SCAPER: variants seen among roughly 807,000 people sequenced by gnomAD.
The protein encoded by SCAPER is S phase cyclin A-associated protein in the endoplasmic reticulum.
In SCAPER, 98 loss-of-function variants were observed where a neutral mutation model predicts 182.2. The observed-to-expected ratio is 0.54, with a 90% CI of 0.46 to 0.64. The LOEUF is 0.64. Among genes scored for constraint, SCAPER ranks in the 30% least tolerant of loss-of-function variants. SCAPER has a pLI of 0.00. For missense variants in SCAPER, 1,432 were observed against 1,690.0 expected (o/e 0.85, Z 2.68); for synonymous variants, 605 against 564.6 (o/e 1.07, Z -1.01).
intron 24 of SCAPER, among the ~76,000 whole-genome samples, chr15:76,502,554 A>C (rs990386613): frequency 1.3e-5 from 2 of 149,044 alleles, no homozygotes; most frequent in African/African-American, 5.0e-5. Context: ...GGGGAACATC[A>C]CACACCGGGG....
chr15:76,496,809 G>A (rs1276404067), intron 24 of SCAPER, among the ~76,000 whole-genome samples: 2 of 152,140 alleles, frequency 1.3e-5, no homozygotes, highest in Non-Finnish European at 2.9e-5. Flanking sequence ...AAACAACTAT[G>A]AGGACACAAG....
chr15:76,407,166 A>G (rs1459048550), intron 26 of SCAPER, among the ~76,000 whole-genome samples: 2 of 152,346 alleles, frequency 1.3e-5, no homozygotes, highest in South Asian at 2.1e-4. Context: ...CAAACATCAT[A>G]GAGTGTACTT....
intron 25 of SCAPER, among the ~76,000 whole-genome samples, chr15:76,464,545 T>C (rs1238608419): frequency 6.6e-6 from 1 of 152,092 alleles, no homozygotes; most frequent in African/African-American, 2.4e-5. Context: ...TTTTGATCCA[T>C]GTTTGGTTGA....
At chr15:76,749,560 T>C (rs1349946340) in intron 15 of SCAPER, among the ~76,000 whole-genome samples, 21 of 151,966 alleles carry the variant, frequency 1.4e-4, no homozygotes, top group Admixed American at 1.4e-3. Context: ...ACCTAATAAG[T>C]GAGTTTACTA....
At chr15:76,565,970 GA>G (rs2047006952) in intron 23 of SCAPER, among the ~76,000 whole-genome samples, 1 of 152,116 alleles carries the variant, frequency 6.6e-6, no homozygotes, top group Non-Finnish European at 1.5e-5. Flanking sequence ...GGGATCAAAA[GA>G]GATTCCTAGT....
intron 22 of SCAPER, among the ~76,000 whole-genome samples, chr15:76,583,555 G>T (rs1388064515): frequency 6.6e-6 from 1 of 152,072 alleles, no homozygotes; most frequent in Non-Finnish European, 1.5e-5. Flanking sequence ...ATATATAAGA[G>T]CTGAAAGAGC....
At chr15:76,490,447 A>G (rs965238738) in intron 24 of SCAPER, among the ~76,000 whole-genome samples, 4 of 152,208 alleles carry the variant, frequency 2.6e-5, no homozygotes, top group Non-Finnish European at 5.9e-5. Context: ...TTGGACATGT[A>G]AAGATATAGT....
chr15:76,825,946 T>C (rs1299385885), intron 5 of SCAPER, among the ~76,000 whole-genome samples: 4 of 152,232 alleles, frequency 2.6e-5, no homozygotes, highest in East Asian at 1.9e-4. Context: ...GGTTTCACCA[T>C]ATTGGTCAGG....
intron 24 of SCAPER, among the ~76,000 whole-genome samples, chr15:76,482,000 G>C (rs1357654297): frequency 1.3e-5 from 2 of 152,106 alleles, no homozygotes; most frequent in African/African-American, 4.8e-5. Context: ...ATCAGACTCA[G>C]GTTTGACCTC....
chr15:76,448,454 C>T (rs1025287176), intron 25 of SCAPER, among the ~76,000 whole-genome samples: 13 of 151,940 alleles, frequency 8.6e-5, no homozygotes, highest in African/African-American at 2.9e-4. Flanking sequence ...TGGGGGAAGC[C>T]GATTTTGAGG....
At chr15:76,553,589 C>A (rs1361171326) in intron 23 of SCAPER, among the ~76,000 whole-genome samples, 3 of 152,128 alleles carry the variant, frequency 2.0e-5, no homozygotes, top group Admixed American at 6.5e-5. Flanking sequence ...ATACTGGGGC[C>A]AGGAGACTAG....
chr15:76,896,579 C>T (rs1467845798), intron 1 of SCAPER, among the ~76,000 whole-genome samples: 6 of 152,034 alleles, frequency 3.9e-5, no homozygotes, highest in African/African-American at 1.2e-4. Context: ...AACATAATCC[C>T]TATCAAAATC....
At position 76,848,335 on chromosome 15, in the gene SCAPER, T is replaced by TGG. The variant is rs2070345478; in HGVS notation, c.196-6405_196-6404insCC. Among the ~76,000 whole-genome samples the TGG allele has an allele frequency of 5.6e-5, 8 of 143,184 alleles. No individual in the cohort carries two copies. The East Asian group carries it at 6.2e-4, about 11-fold the overall frequency. 93.9% of individuals were successfully genotyped at this position (143,184 alleles called of 152,430 possible). ...TGTTTTTTTTGGGGTTTTTTTTTTT[T>TGG]TTTTTTTTTTTGACACAGAGTCTCG... On this transcript the variant is annotated intron_variant, in intron 4 of 31. Transcript: ENST00000563290.
chr15:76,720,217 A>G (rs552949692), intron 17 of SCAPER, among the ~76,000 whole-genome samples: 1 of 151,998 alleles, frequency 6.6e-6, no homozygotes, highest in Non-Finnish European at 1.5e-5. Context: ...GCTGAGAATG[A>G]TGGTTTACAG....
chr15:76,423,065 A>G (rs2046162627), intron 26 of SCAPER, among the ~76,000 whole-genome samples: 1 of 152,110 alleles, frequency 6.6e-6, no homozygotes, highest in African/African-American at 2.4e-5. Context: ...CATCAGGGAT[A>G]TTGGTCTAAA....
intron 23 of SCAPER, among the ~76,000 whole-genome samples, chr15:76,513,867 T>C (rs1296957561): frequency 6.6e-6 from 1 of 152,210 alleles, no homozygotes; most frequent in Non-Finnish European, 1.5e-5. Context: ...AAGACCAAGA[T>C]CAAATGTTGC....
chr15:76,842,044 C>T, intron 4 of SCAPER, 113 bp from the exon 5 acceptor site: 3 of 896,654 alleles, frequency 3.3e-6, no homozygotes, highest in Non-Finnish European at 5.0e-6. Flanking sequence ...AAATAAAAAG[C>T]ATCTGTACTG....
Position 76,835,935 on chromosome 15 carries a change from A to C in SCAPER, c.393+5799T>G, listed in dbSNP as rs937607370. ...CACATTTCCATTCACATTAGCCACAAAAAAAAAAAAAAAAAAAAATCCAGA... is the reference window on the plus strand; with the variant it reads ...CACATTTCCATTCACATTAGCCACACAAAAAAAAAAAAAAAAAAATCCAGA... On this transcript the variant is annotated intron_variant, in intron 5 of 31. Transcript: ENST00000563290. 1.3e-3 allele frequency among the ~76,000 whole-genome samples: 138 copies of C among 109,486 alleles called. 1 individual carries two copies. The highest frequency in any genetic ancestry group is 5.2e-3 in the African/African-American group (129 of 24,916). The allele number at this position is 109,486 out of a possible 152,430, so 71.8% of individuals were successfully genotyped here.
chr15:76,485,915 C>T (rs368084732), intron 24 of SCAPER, among the ~76,000 whole-genome samples: 35 of 152,080 alleles, frequency 2.3e-4, no homozygotes, highest in African/African-American at 7.9e-4. Flanking sequence ...AATGTAAAAC[C>T]GAAAACTATC....
Sources: gnomAD v4.1 joint callset for allele counts (sites outside exome capture counted in the v4.1 genomes callset) on GRCh38, gnomAD v4.1.1 for gene constraint, MANE v1.5 for transcripts, NCBI Gene and HGNC (gene_info 2026-07-23, HGNC 2026-07-21) for gene names.